Variants in LRRC7 observed in about 807,000 individuals in gnomAD.
LRRC7 encodes leucine-rich repeat-containing protein 7.
LRRC7 carries 23 observed loss-of-function variants against 175.7 expected under a neutral mutation model. The ratio of observed to expected loss-of-function variants is 0.13; its 90% CI spans 0.09 to 0.19. LRRC7 has a LOEUF of 0.19. Ranked by LOEUF, LRRC7 falls within the 10% of genes least tolerant of loss-of-function variation. The pLI is 1.00. For missense variants in LRRC7, 1,354 were observed against 1,904.7 expected (o/e 0.71, Z 5.38); for synonymous variants, 685 against 680.9 (o/e 1.01, Z -0.09).
rs186394875 is a variant in LRRC7, at chr1:69,968,295, A to G, written c.712-12084A>G. Among the ~76,000 whole-genome samples, 352 of 152,316 alleles carry G rather than the reference A, an allele frequency of 2.3e-3. 3 individuals are homozygous for G. Among genetic ancestry groups the G allele is most frequent in the Admixed American group, 0.012 (179 of 15,294 alleles). The stretch of plus-strand genomic sequence containing the variant: ...GGAAATATGAACAAAGACTCCAAGA[A>G]GTCTGGGATTATGTTAAACGACCAA... On this transcript the variant is annotated intron_variant, in intron 8 of 26. Coordinates refer to ENST00000651989, the MANE Select transcript of LRRC7 (RefSeq NM_001370785.2).
At chr1:69,903,024 C>T (rs543440994) in intron 7 of LRRC7, among the ~76,000 whole-genome samples, 38 of 152,218 alleles carry the variant, frequency 2.5e-4, no homozygotes, top group East Asian at 7.7e-4. Context: ...TATTTTATTT[C>T]GCAACTTCCA....
chr1:70,143,926 A>G lies in LRRC7; in HGVS notation c.*22039A>G, dbSNP rs1409873853. On this transcript the variant is annotated 3_prime_UTR_variant, in exon 27 of 27. Transcript: ENST00000651989. ...TTGAACTACATATTGATGTAAATAA[A>G]ACTGAATGAAGACATATTTACTACT... 3 of 152,308 alleles carry G rather than the reference A, an allele frequency of 2.0e-5. No individual in the cohort carries two copies. In the East Asian group the frequency reaches 5.8e-4, roughly 29 times the overall value. The allele number at this position is 152,308 out of a possible 1,614,324, so 9.4% of individuals were successfully genotyped here.
chr1:69,629,247 A>C (rs1183808125), intron 1 of LRRC7, among the ~76,000 whole-genome samples: 2 of 152,188 alleles, frequency 1.3e-5, no homozygotes, highest in Non-Finnish European at 2.9e-5. Context: ...TACAACTATT[A>C]ATATTCAACA....
chr1:69,837,654 G>A (rs1433515292), intron 6 of LRRC7, among the ~76,000 whole-genome samples: 1 of 151,590 alleles, frequency 6.6e-6, no homozygotes, highest in African/African-American at 2.4e-5. Context: ...CTGGTATTTA[G>A]TATACATTCA....
At chr1:70,105,854 T>C (rs763538244) in intron 25 of LRRC7, among the ~76,000 whole-genome samples, 6 of 152,084 alleles carry the variant, frequency 3.9e-5, no homozygotes. Flanking sequence ...TGTAGTGTCA[T>C]CTCTAAATAA....
chr1:69,907,635 T>G (rs1039326025), intron 7 of LRRC7, among the ~76,000 whole-genome samples: 21 of 152,264 alleles, frequency 1.4e-4, no homozygotes, highest in African/African-American at 4.8e-4. Flanking sequence ...TGGATAAGCT[T>G]TTTGATGTGC....
At chr1:69,716,539 A>G (rs1050979941) in intron 2 of LRRC7, among the ~76,000 whole-genome samples, 5 of 151,898 alleles carry the variant, frequency 3.3e-5, no homozygotes, top group Admixed American at 1.3e-4. Context: ...GAATCTGCCT[A>G]TGTCTTGTGA....
At chr1:69,812,688 A>G (rs1411569959) in intron 4 of LRRC7, among the ~76,000 whole-genome samples, 3 of 152,140 alleles carry the variant, frequency 2.0e-5, no homozygotes, top group African/African-American at 7.2e-5. Flanking sequence ...TTTATATCAC[A>G]GAGTAAACCA....
chr1:69,660,418 A>G (rs943279574), intron 1 of LRRC7, among the ~76,000 whole-genome samples: 1 of 152,142 alleles, frequency 6.6e-6, no homozygotes, highest in Non-Finnish European at 1.5e-5. Flanking sequence ...TTGGATCAAT[A>G]CACATTCTTT....
chr1:69,618,724 A>G (rs1230802168), intron 1 of LRRC7, among the ~76,000 whole-genome samples: 1 of 152,148 alleles, frequency 6.6e-6, no homozygotes, highest in Admixed American at 6.6e-5. Context: ...TAAAACAGCA[A>G]TAACAACTAA....
chr1:69,852,160 G>C (rs1042106944), intron 7 of LRRC7, among the ~76,000 whole-genome samples: 3 of 151,796 alleles, frequency 2.0e-5, no homozygotes, highest in African/African-American at 7.3e-5. Flanking sequence ...CACATTTCTC[G>C]ATGGGAGCAT....
At chr1:69,598,522 T>G (rs1646931558) in intron 1 of LRRC7, among the ~76,000 whole-genome samples, 1 of 152,078 alleles carries the variant, frequency 6.6e-6, no homozygotes, top group East Asian at 1.9e-4. Context: ...GCAGAATTCC[T>G]TCTTGCTAGG....
chr1:69,867,318 T>C (rs1345882250), intron 7 of LRRC7, among the ~76,000 whole-genome samples: 1 of 152,176 alleles, frequency 6.6e-6, no homozygotes, highest in Non-Finnish European at 1.5e-5. Flanking sequence ...CAATATAGTT[T>C]TCTGAGAAGC....
chr1:70,092,341 CA>C (rs1035715841), intron 25 of LRRC7, among the ~76,000 whole-genome samples: 1 of 152,140 alleles, frequency 6.6e-6, no homozygotes, highest in African/African-American at 2.4e-5. Context: ...GGAGTCTAGT[CA>C]TGCAAAAGTT....
chr1:69,644,559 T>G (rs1654722177), intron 1 of LRRC7, among the ~76,000 whole-genome samples: 1 of 152,034 alleles, frequency 6.6e-6, no homozygotes, highest in Admixed American at 6.6e-5. Context: ...ATAAAATTAG[T>G]TCTTGCTTTT....
chr1:70,016,316 T>TC, intron 13 of LRRC7, 149 bp from the exon 14 acceptor site: 1 of 470,340 alleles, frequency 2.1e-6, no homozygotes, highest in South Asian at 5.8e-5. Context: ...TAGGATATTT[T>TC]CATTTTTTTA....
In LRRC7 at chr1:70,144,259, T is replaced by C. The variant is rs1667212416; in HGVS notation, c.*22372T>C. The C allele has an allele frequency of 6.6e-6, 1 of 152,156 alleles. No homozygotes were observed. The highest frequency in any genetic ancestry group is 2.1e-4 in the South Asian group (1 of 4,828). 9.4% of individuals were successfully genotyped at this position (152,156 alleles called of 1,614,324 possible). On this transcript the variant is annotated 3_prime_UTR_variant, in exon 27 of 27. Transcript: ENST00000651989. ...TGCTGTGCAGTGTATAGCAGAGCCA[T>C]TTTTCGGCTTTGGTGTACTCAACTT... is the stretch of plus-strand genomic sequence containing the variant.
At chr1:70,014,694 T>A (rs1170694449) in intron 13 of LRRC7, among the ~76,000 whole-genome samples, 1 of 152,076 alleles carries the variant, frequency 6.6e-6, no homozygotes, top group Non-Finnish European at 1.5e-5. Flanking sequence ...ATGATTATTA[T>A]AATTTTGTAT....
At chr1:69,618,488 G>A (rs1650037963) in intron 1 of LRRC7, among the ~76,000 whole-genome samples, 1 of 152,040 alleles carries the variant, frequency 6.6e-6, no homozygotes, top group South Asian at 2.1e-4. Context: ...TAGTTGGAGA[G>A]GCTATATCCT....
Sources: gnomAD v4.1 joint callset for allele counts (sites outside exome capture counted in the v4.1 genomes callset) on GRCh38, gnomAD v4.1.1 for gene constraint, MANE v1.5 for transcripts, NCBI Gene and HGNC (gene_info 2026-07-23, HGNC 2026-07-21) for gene names.